Variants in NOS1AP observed in about 807,000 individuals in gnomAD.
NOS1AP encodes the protein carboxyl-terminal PDZ ligand of neuronal nitric oxide synthase protein.
NOS1AP carries 21 observed loss-of-function variants against 56.2 expected under a neutral mutation model. The observed-to-expected ratio is 0.37, with a 90% CI of 0.26 to 0.54. The LOEUF (loss-of-function observed/expected upper bound fraction) is 0.54, where lower values mean the gene tolerates loss of function less well. NOS1AP is among the 20% of genes least tolerant of loss of function. The pLI is 0.84. For missense variants in NOS1AP, 522 were observed against 657.8 expected, an observed-to-expected ratio of 0.79 and a Z score of 2.26; for synonymous variants, 270 against 274.6, an observed-to-expected ratio of 0.98 and a Z score of 0.17.
At chr1:162,305,561 T>A (rs1309550911) in intron 4 of NOS1AP, among the ~76,000 whole-genome samples, 1 of 152,240 alleles carries the variant, frequency 6.6e-6, no homozygotes, top group Non-Finnish European at 1.5e-5. Context: ...TTTTCTCTTT[T>A]AAGTTAACCC....
At chr1:162,154,372 T>C in intron 1 of NOS1AP, 33 bp from the exon 2 acceptor site, 1 of 1,606,734 alleles carries the variant, frequency 6.2e-7, no homozygotes, top group Non-Finnish European at 8.5e-7. Context: ...TTGCTACCCC[T>C]CCTCTCAATG....
chr1:162,308,273 C>G (rs1464697215), intron 4 of NOS1AP, among the ~76,000 whole-genome samples: 1 of 152,208 alleles, frequency 6.6e-6, no homozygotes, highest in Non-Finnish European at 1.5e-5. Context: ...GAAAGCCATC[C>G]TCCAGGGCTT....
At chr1:162,231,071 C>CAT (rs57389209) in intron 2 of NOS1AP, among the ~76,000 whole-genome samples, 6,424 of 152,276 alleles carry the variant, frequency 0.042, 181 homozygotes, top group African/African-American at 0.081. Context: ...CACTATTTTC[C>CAT]ATAGCAAATG....
Position 162,177,647 on chromosome 1 carries a change from T to C in NOS1AP, c.177+23171T>C, listed in dbSNP as rs774604277. 1.1e-3 allele frequency among the ~76,000 whole-genome samples: 162 copies of C among 152,220 alleles called. 2 individuals carry two copies. Among genetic ancestry groups the C allele is most frequent in the Non-Finnish European group, 1.7e-3 (114 of 68,046 alleles). Reference sequence around the variant, plus strand: ...AAGTTTATATTAATTTATTTAAACATTTTTAACTAAATGATGTGATTTTTC... The same window carrying C: ...AAGTTTATATTAATTTATTTAAACACTTTTAACTAAATGATGTGATTTTTC... On this transcript the variant is annotated intron_variant, in intron 2 of 9. Coordinates refer to ENST00000361897, the MANE Select transcript of NOS1AP (RefSeq NM_014697.3).
intron 4 of NOS1AP, among the ~76,000 whole-genome samples, chr1:162,303,735 C>T (rs566037719): frequency 1.3e-5 from 2 of 152,310 alleles, no homozygotes; most frequent in African/African-American, 4.8e-5. Flanking sequence ...AGCCACTGCA[C>T]TCAGCCTTCT....
At chr1:162,189,798 A>C (rs1651561236) in intron 2 of NOS1AP, among the ~76,000 whole-genome samples, 1 of 152,210 alleles carries the variant, frequency 6.6e-6, no homozygotes, top group Non-Finnish European at 1.5e-5. Context: ...CTACTTTGAA[A>C]GTGTCTGGGA....
intron 1 of NOS1AP, among the ~76,000 whole-genome samples, chr1:162,088,892 A>G (rs1243089364): frequency 6.6e-6 from 1 of 152,046 alleles, no homozygotes; most frequent in East Asian, 1.9e-4. Flanking sequence ...ATGAATTATG[A>G]ATTTATGAAT....
At chr1:162,158,051 G>A (rs993377137) in intron 2 of NOS1AP, among the ~76,000 whole-genome samples, 10 of 152,178 alleles carry the variant, frequency 6.6e-5, no homozygotes, top group Non-Finnish European at 1.5e-4. Flanking sequence ...TTTTAAGTGT[G>A]AAGTTCAGCA....
intron 1 of NOS1AP, among the ~76,000 whole-genome samples, chr1:162,153,753 A>T (rs979486789): frequency 6.6e-6 from 1 of 152,250 alleles, no homozygotes; most frequent in South Asian, 2.1e-4. Flanking sequence ...CAACTGTTAC[A>T]GTGGGGACTT....
chr1:162,247,972 T>C (rs548165078), intron 2 of NOS1AP, among the ~76,000 whole-genome samples: 3 of 152,278 alleles, frequency 2.0e-5, no homozygotes, highest in East Asian at 3.9e-4. Flanking sequence ...TTACTATGGT[T>C]CTGCCTGGAA....
intron 2 of NOS1AP, among the ~76,000 whole-genome samples, chr1:162,204,079 AGTGC>A (rs111479472): frequency 0.16 from 23,771 of 152,100 alleles, 2,017 homozygotes; most frequent in South Asian, 0.23. Flanking sequence ...AAGTCTTGTT[AGTGC>A]GTGCCCATTT....
chr1:162,086,216 T>C (rs1486161874), intron 1 of NOS1AP, among the ~76,000 whole-genome samples: 3 of 152,122 alleles, frequency 2.0e-5, no homozygotes, highest in Admixed American at 2.0e-4. Context: ...ATGATGATTC[T>C]TGAGGTTTTA....
In NOS1AP at chr1:162,098,385, G is replaced by A. The variant is rs577540947; in HGVS notation, c.105+28103G>A. On this transcript the variant is annotated intron_variant, in intron 1 of 9. Transcript: ENST00000361897. ...GCCTCCCAAAGTGCTGGGATTACAG[G>A]TGTGAGCCACTGCATCTGGCTGATA... Among the ~76,000 whole-genome samples the A allele has an allele frequency of 3.3e-5, 5 of 152,088 alleles. No homozygotes were observed. In the South Asian group the frequency reaches 1.0e-3, roughly 32 times the overall value.
intron 2 of NOS1AP, among the ~76,000 whole-genome samples, chr1:162,186,223 C>T (rs2102150503): frequency 1.3e-5 from 2 of 152,238 alleles, no homozygotes; most frequent in East Asian, 1.9e-4. Context: ...TGGCAGAAAT[C>T]CTAATGTCAT....
chr1:162,288,031 G>T (rs1655148214), intron 3 of NOS1AP, among the ~76,000 whole-genome samples: 1 of 152,132 alleles, frequency 6.6e-6, no homozygotes, highest in Admixed American at 6.5e-5. Context: ...GCGTGAGTTG[G>T]GGAGAGACAA....
chr1:162,201,337 C>G (rs571278111), intron 2 of NOS1AP, among the ~76,000 whole-genome samples: 1 of 152,236 alleles, frequency 6.6e-6, no homozygotes, highest in East Asian at 1.9e-4. Context: ...CTAATGATAT[C>G]CTTTAGTCTA....
intron 2 of NOS1AP, among the ~76,000 whole-genome samples, chr1:162,272,466 A>G (rs1013252225): frequency 6.6e-6 from 1 of 152,162 alleles, no homozygotes; most frequent in East Asian, 1.9e-4. Context: ...CTGAGGCTCC[A>G]AGGAGGAGAA....
intron 8 of NOS1AP, among the ~76,000 whole-genome samples, chr1:162,362,666 G>A (rs945218754): frequency 6.6e-6 from 1 of 152,174 alleles, no homozygotes; most frequent in Non-Finnish European, 1.5e-5. Flanking sequence ...AATTTTATTT[G>A]CTCAGTAGGT....
chr1:162,180,924 G>A (rs1401380583), intron 2 of NOS1AP, among the ~76,000 whole-genome samples: 3 of 152,204 alleles, frequency 2.0e-5, no homozygotes, highest in Non-Finnish European at 2.9e-5. Context: ...GCAGCAAGTA[G>A]AAAACTAAAA....
Sources: gnomAD v4.1 joint callset for allele counts (sites outside exome capture counted in the v4.1 genomes callset) on GRCh38, gnomAD v4.1.1 for gene constraint, MANE v1.5 for transcripts, NCBI Gene and HGNC (gene_info 2026-07-23, HGNC 2026-07-21) for gene names.